GRAMD4: variants seen among roughly 807,000 people sequenced by gnomAD.
The protein encoded by GRAMD4 is GRAM domain-containing protein 4.
In GRAMD4, 25 loss-of-function variants were observed where a neutral mutation model predicts 83.9. That is an observed-to-expected ratio of 0.30 (90% CI 0.22 to 0.42). The LOEUF (loss-of-function observed/expected upper bound fraction) is 0.42, where lower values mean the gene tolerates loss of function less well. GRAMD4 is among the 10% of genes least tolerant of loss of function. The probability of loss-of-function intolerance (pLI) is 1.00; values close to 1 mark genes in which losing one functional copy is unlikely to be tolerated. For synonymous variants in GRAMD4, 336 were observed against 320.9 expected (o/e 1.05, Z -0.50); for missense variants, 593 against 788.7 (o/e 0.75, Z 2.97).
At chr22:46,616,333 GGTTCCCCTGTGTGTAC>G (rs1189761356), upstream of GRAMD4, among the ~76,000 whole-genome samples, 7 of 33,594 alleles carry the variant, frequency 2.1e-4, no homozygotes, top group Non-Finnish European at 2.4e-4. Context: ...TGTGTGTGTA[GGTTCCCCTGTGTGTAC>G]GTTCCCCTGT....
chr22:46,588,654 A>T (rs1384428045), intron 1 of GRAMD4, among the ~76,000 whole-genome samples: 1 of 152,130 alleles, frequency 6.6e-6, no homozygotes, highest in Non-Finnish European at 1.5e-5. Flanking sequence ...GTGCTCCTGG[A>T]GCTGCGGGGT....
At chr22:46,648,172 A>G in intron 3 of GRAMD4, among the ~76,000 whole-genome samples, 1 of 151,310 alleles carries the variant, frequency 6.6e-6, no homozygotes, top group East Asian at 2.0e-4. Context: ...GTGGATGGAT[A>G]AATGGATGGA....
At position 46,621,201 on chromosome 22, in the gene GRAMD4, G is replaced by A. The variant is rs2081569756; in HGVS notation, c.-50+636G>A. 6.6e-6 allele frequency among the ~76,000 whole-genome samples: 1 copy of A among 152,164 alleles called. No homozygotes were observed. Among genetic ancestry groups the A allele is most frequent in the South Asian group, 2.1e-4 (1 of 4,834 alleles). On this transcript the variant is annotated intron_variant, in intron 1 of 18. Transcript: ENST00000406902. This position sits in a 1 kb window ranked among gnomAD's most constrained non-coding sequence, Gnocchi z 5.8. ...GCAGGTGGGCGGTGTCGGGAGACCC[G>A]GGTCTGGCCTGAGGTGCAGCCTGGA...
chr22:46,589,849 G>A (rs1420389418), intron 1 of GRAMD4, among the ~76,000 whole-genome samples: 2 of 152,198 alleles, frequency 1.3e-5, no homozygotes, highest in Admixed American at 1.3e-4. Context: ...CTGCTCCCCA[G>A]CAGCCTGACT....
At chr22:46,681,236 G>A (rs1034215517), downstream of GRAMD4, among the ~76,000 whole-genome samples, 1 of 151,972 alleles carries the variant, frequency 6.6e-6, no homozygotes, top group Non-Finnish European at 1.5e-5. Flanking sequence ...GGAGGAGGCG[G>A]AGGGGCCTCC....
intron 1 of GRAMD4, among the ~76,000 whole-genome samples, chr22:46,605,260 A>C (rs1431177639): frequency 6.6e-6 from 1 of 152,262 alleles, no homozygotes; most frequent in African/African-American, 2.4e-5. Context: ...GGGTTCACCC[A>C]GGTTCTGGCA....
Position 46,668,897 on chromosome 22 carries a change from G to C in GRAMD4, c.1073G>C (p.Gly358Ala), listed in dbSNP as rs1348598503. 2 of 1,602,980 alleles carry C rather than the reference G, an allele frequency of 1.2e-6. No homozygotes were observed. Among genetic ancestry groups the C allele is most frequent in the Non-Finnish European group, 1.7e-6 (2 of 1,171,608 alleles). The change falls in exon 13 of 19, where the codon GGG (glycine) becomes GCG (alanine). Residue 358 changes from glycine (G) to alanine (A), a missense_variant. Around this residue, in one of 4 missense-constraint regions of GRAMD4, gnomAD observed 171 missense variants for 199.6 expected, o/e 0.86. Transcript: ENST00000406902. ...TGCTTCTTCCCCTACCGCCTGGTGG[G>C]GCTTGCCGTGGGTAAGTAGATGCAC... ...ASCFFPYRLV[G>A]LAVGLYAGIK...
At chr22:46,673,301 G>C (rs1204049064) in intron 14 of GRAMD4, among the ~76,000 whole-genome samples, 1 of 152,238 alleles carries the variant, frequency 6.6e-6, no homozygotes, top group Non-Finnish European at 1.5e-5. Context: ...GTGAGGCTCT[G>C]GCGCTGAGAC....
intron 3 of GRAMD4, among the ~76,000 whole-genome samples, chr22:46,654,516 G>A (rs2082214345): frequency 6.6e-6 from 1 of 152,246 alleles, no homozygotes; most frequent in Non-Finnish European, 1.5e-5. Flanking sequence ...CACGAGGGCG[G>A]GGGGCTGGGG....
chr22:46,635,113 A>ACCCCTG (rs2081842378), intron 2 of GRAMD4, among the ~76,000 whole-genome samples: 4 of 41,940 alleles, frequency 9.5e-5, no homozygotes, highest in Admixed American at 2.4e-4. Flanking sequence ...CCCCGCCCCC[A>ACCCCTG]GCCACTCCTG....
At chr22:46,679,995 C>CGTGG (rs1265228641), downstream of GRAMD4, among the ~76,000 whole-genome samples, 2 of 152,162 alleles carry the variant, frequency 1.3e-5, no homozygotes, top group African/African-American at 2.4e-5. Flanking sequence ...TCCTGTTGGA[C>CGTGG]GTGGGCATTG....
upstream of GRAMD4, chr22:46,577,075 G>T (rs1452173713): frequency 6.7e-6 from 1 of 148,412 alleles, no homozygotes; most frequent in Admixed American, 6.8e-5. Flanking sequence ...GCGCAACGGG[G>T]CCGGGGGCGC....
intron 1 of GRAMD4, among the ~76,000 whole-genome samples, chr22:46,602,966 C>T (rs1334708217): frequency 6.6e-6 from 1 of 151,710 alleles, no homozygotes; most frequent in Admixed American, 6.6e-5. Flanking sequence ...TGGTCTCGAA[C>T]TCCTGATCTC....
chr22:46,578,170 C>T (rs1192782388), intron 1 of GRAMD4, among the ~76,000 whole-genome samples: 1 of 152,186 alleles, frequency 6.6e-6, no homozygotes, highest in Non-Finnish European at 1.5e-5. Flanking sequence ...AGACCTTTTG[C>T]AGGATGGGGT....
intron 1 of GRAMD4, among the ~76,000 whole-genome samples, chr22:46,591,128 C>T (rs1231717768): frequency 6.6e-6 from 1 of 152,140 alleles, no homozygotes; most frequent in African/African-American, 2.4e-5. Context: ...CTGGAATGGC[C>T]TAAGGTGGGA....
intron 2 of GRAMD4, among the ~76,000 whole-genome samples, chr22:46,637,557 C>T (rs1455028693): frequency 2.0e-5 from 3 of 152,314 alleles, no homozygotes; most frequent in African/African-American, 7.2e-5. Flanking sequence ...TAAGATATTT[C>T]TTAAAGCCAG....
chr22:46,675,718 C>T (rs549883425), intron 17 of GRAMD4, among the ~76,000 whole-genome samples, 166 bp downstream of exon 17: 1 of 152,340 alleles, frequency 6.6e-6, no homozygotes, highest in African/African-American at 2.4e-5. Context: ...CCCCATGTCC[C>T]TGTGGGTCTG....
chr22:46,655,070 G>T (rs373836625), intron 3 of GRAMD4, among the ~76,000 whole-genome samples: 112 of 152,336 alleles, frequency 7.4e-4, no homozygotes, highest in African/African-American at 2.5e-3. Flanking sequence ...CAGGACTGAG[G>T]CTGAGGGACA....
At position 46,672,718 on chromosome 22, in the gene GRAMD4, C is replaced by A. The variant is rs2082528985; in HGVS notation, c.1085-125C>A. On this transcript the variant is annotated intron_variant, in intron 13 of 18. Transcript: ENST00000406902. The surrounding 1 kb of genome is among the most constrained non-coding windows in gnomAD (Gnocchi z 4.7). ...TGAGGACTGAGCGAGCAGCTGGACT[C>A]TCACATCCAGGCTCAGGGTGGAGGG... 2 of 722,844 alleles carry A rather than the reference C, an allele frequency of 2.8e-6. No homozygotes were observed. Among genetic ancestry groups the A allele is most frequent in the African/African-American group, 3.5e-5 (2 of 56,908 alleles). The allele number at this position is 722,844 out of a possible 1,614,324, so 44.8% of individuals were successfully genotyped here. A position where few individuals can be genotyped will look rare whatever the true frequency, so the allele number is the denominator to read the frequency against.
Sources: allele counts gnomAD v4.1 joint callset (sites outside exome capture counted in the v4.1 genomes callset), GRCh38; gene constraint gnomAD v4.1.1; regional missense constraint gnomAD v4.1.1; non-coding constraint Gnocchi (gnomAD v3.1); transcripts MANE v1.5; gene names NCBI Gene and HGNC (gene_info 2026-07-23, HGNC 2026-07-21).